The following BRD10 variants were observed in gnomAD, a reference collection of about 807,000 sequenced individuals.
BRD10 encodes uncharacterized bromodomain-containing protein 10.
At chr9:5,913,231 G>C in the BRD10 span, among the ~76,000 whole-genome samples, 2 of 152,300 alleles carry the variant, frequency 1.3e-5, no homozygotes, top group Non-Finnish European at 1.5e-5. Flanking sequence ...CCAGTCCTCT[G>C]AAGTCACAAA....
chr9:5,999,980 T>C, the BRD10 span, among the ~76,000 whole-genome samples: 6 of 152,224 alleles, frequency 3.9e-5, no homozygotes, highest in Non-Finnish European at 7.4e-5. Flanking sequence ...TTAACTTGTA[T>C]GGTTTATTCA....
chr9:5,922,000 A>C, the BRD10 span: 2 of 1,614,040 alleles, frequency 1.2e-6, no homozygotes, highest in South Asian at 2.2e-5. Context: ...CAGGTGAAAA[A>C]GCAGAGGAAG....
the BRD10 span, among the ~76,000 whole-genome samples, chr9:5,961,572 C>T: frequency 9.9e-5 from 15 of 152,102 alleles, no homozygotes; most frequent in South Asian, 2.1e-4. Flanking sequence ...ATTTTGAAAA[C>T]AGGTCATCAA....
At chr9:5,892,596 G>C in the BRD10 span, 1 of 1,549,768 alleles carries the variant, frequency 6.5e-7, no homozygotes, top group South Asian at 1.2e-5. Flanking sequence ...TTTGCCGTTT[G>C]CTGACACAGC....
the BRD10 span, among the ~76,000 whole-genome samples, chr9:5,985,109 A>C: frequency 6.6e-6 from 1 of 152,204 alleles, no homozygotes; most frequent in Non-Finnish European, 1.5e-5. Flanking sequence ...CACAAATAAT[A>C]CGTTCAATTG....
At chr9:5,890,448 G>A in the BRD10 span, among the ~76,000 whole-genome samples, 27 of 152,148 alleles carry the variant, frequency 1.8e-4, no homozygotes, top group African/African-American at 4.8e-4. Flanking sequence ...TGAGTTCTCT[G>A]TGATGCCTTT....
chr9:5,958,805 C>A, the BRD10 span, among the ~76,000 whole-genome samples: 1 of 152,066 alleles, frequency 6.6e-6, no homozygotes, highest in African/African-American at 2.4e-5. Flanking sequence ...AGTAAAAACT[C>A]AAGGGTATTT....
chr9:5,889,057 G>A, the BRD10 span, among the ~76,000 whole-genome samples: 8 of 152,150 alleles, frequency 5.3e-5, no homozygotes, highest in African/African-American at 1.7e-4. Context: ...GGTCTCTGCT[G>A]GTCTGATCCA....
At chr9:5,885,193 T>G in the BRD10 span, among the ~76,000 whole-genome samples, 2 of 152,154 alleles carry the variant, frequency 1.3e-5, no homozygotes, top group African/African-American at 4.8e-5. Context: ...CTGGGTCTCT[T>G]TACGTCACAG....
At chr9:5,921,591 G>C in the BRD10 span, 1 of 1,613,938 alleles carries the variant, frequency 6.2e-7, no homozygotes. Flanking sequence ...TTCTGAACTG[G>C]AGTCCCACTG....
chr9:5,903,426 G>GT, the BRD10 span, among the ~76,000 whole-genome samples: 1 of 151,974 alleles, frequency 6.6e-6, no homozygotes, highest in African/African-American at 2.4e-5. Flanking sequence ...ATGTTGTTGA[G>GT]TTTTTTTGCA....
chr9:5,919,972 C>A, the BRD10 span: 4 of 1,613,932 alleles, frequency 2.5e-6, no homozygotes, highest in Non-Finnish European at 3.4e-6. Context: ...TAGCTGGAGA[C>A]TTAATTACTG....
chr9:5,963,561 A>C, the BRD10 span, among the ~76,000 whole-genome samples: 1 of 151,304 alleles, frequency 6.6e-6, no homozygotes, highest in African/African-American at 2.4e-5. Flanking sequence ...ACTACTTTAA[A>C]GTTCATATGG....
At chr9:5,967,898 A>T in the BRD10 span, 1 of 638,058 alleles carries the variant, frequency 1.6e-6, no homozygotes, top group Non-Finnish European at 2.7e-6. Flanking sequence ...TTGACCCTCA[A>T]ATATACACGC....
At chr9:5,908,356 G>A in the BRD10 span, among the ~76,000 whole-genome samples, 8 of 152,168 alleles carry the variant, frequency 5.3e-5, no homozygotes, top group Non-Finnish European at 8.8e-5. Context: ...TGATTCGTTA[G>A]TTAGGGCTTG....
the BRD10 span, among the ~76,000 whole-genome samples, chr9:5,965,514 T>C: frequency 6.6e-6 from 1 of 152,236 alleles, no homozygotes; most frequent in African/African-American, 2.4e-5. Context: ...TTGTTTTATT[T>C]AGTCTAATTC....
the BRD10 span, among the ~76,000 whole-genome samples, chr9:5,928,859 G>T: frequency 2.7e-3 from 415 of 152,156 alleles, 3 homozygotes; most frequent in African/African-American, 9.3e-3. Context: ...TCACAGAGTG[G>T]AGACTTTGTT....
chr9:5,956,629 TGCTTTA>T, the BRD10 span, among the ~76,000 whole-genome samples: 11 of 152,326 alleles, frequency 7.2e-5, no homozygotes, highest in African/African-American at 2.4e-4. Flanking sequence ...TGTTAGCTAT[TGCTTTA>T]GCTTTAGCTA....
the BRD10 span, among the ~76,000 whole-genome samples, chr9:5,929,507 A>AT: frequency 2.6e-5 from 4 of 152,200 alleles, no homozygotes; most frequent in Non-Finnish European, 5.9e-5. Flanking sequence ...GACATGGGTC[A>AT]TTTCAGTAAA....
Sources: allele counts gnomAD v4.1 joint callset (sites outside exome capture counted in the v4.1 genomes callset), GRCh38; gene constraint gnomAD v4.1.1; transcripts MANE v1.5; gene names NCBI Gene and HGNC (gene_info 2026-07-23, HGNC 2026-07-21).